The following KIRREL3 variants were observed in gnomAD, a reference collection of about 807,000 sequenced individuals.
KIRREL3 encodes kin of IRRE-like protein 3.
In KIRREL3, 36 loss-of-function variants were observed where a neutral mutation model predicts 89.7. The observed-to-expected ratio is 0.40, with a 90% CI of 0.31 to 0.53. The LOEUF is 0.53. KIRREL3 is among the 20% of genes least tolerant of loss of function. The probability of loss-of-function intolerance (pLI) is 0.49; values close to 1 mark genes in which losing one functional copy is unlikely to be tolerated. For missense variants in KIRREL3, 864 were observed against 1,056.6 expected, an observed-to-expected ratio of 0.82 and a Z score of 2.53; for synonymous variants, 445 against 441.4, an observed-to-expected ratio of 1.01 and a Z score of -0.10.
At chr11:126,809,714 G>A (rs1951318489) in intron 1 of KIRREL3, among the ~76,000 whole-genome samples, 1 of 152,210 alleles carries the variant, frequency 6.6e-6, no homozygotes, top group Non-Finnish European at 1.5e-5. Context: ...GCCCCGCCCT[G>A]TACAGGGCTT....
At position 126,917,300 on chromosome 11, in the gene KIRREL3, G is replaced by A. The variant is rs141127980; in HGVS notation, c.55+83155C>T. Among the ~76,000 whole-genome samples the A allele has an allele frequency of 6.7e-3, 1,025 of 152,262 alleles. 1 individual carries two copies. Among genetic ancestry groups the A allele is most frequent in the Admixed American group, 0.012 (184 of 15,302 alleles). ...GATTAAAGGTTATCAGGACTGAGAC[G>A]GAAGGAAGTGGGAGTTATTGCTTAA... On this transcript the variant is annotated intron_variant, in intron 1 of 16. Coordinates refer to ENST00000525144, the MANE Select transcript of KIRREL3 (RefSeq NM_032531.4). The surrounding 1 kb of genome is among the most constrained non-coding windows in gnomAD (Gnocchi z 5.0).
At chr11:126,659,675 G>A (rs1474057540) in intron 1 of KIRREL3, among the ~76,000 whole-genome samples, 3 of 152,236 alleles carry the variant, frequency 2.0e-5, no homozygotes, top group East Asian at 1.9e-4. Flanking sequence ...CAGATCAGAA[G>A]CAGAGTCAGA....
chr11:126,928,420 C>T (rs912308874), intron 1 of KIRREL3, among the ~76,000 whole-genome samples: 10 of 152,334 alleles, frequency 6.6e-5, no homozygotes, highest in East Asian at 5.8e-4. Context: ...CAGCGATTCC[C>T]GGACATAGGT....
intron 1 of KIRREL3, among the ~76,000 whole-genome samples, chr11:126,604,288 C>T (rs1011807237): frequency 3.3e-5 from 5 of 152,152 alleles, no homozygotes; most frequent in Non-Finnish European, 5.9e-5. Flanking sequence ...GCAGGAAGAC[C>T]ACCCTGAAGG....
rs1027980341 is a variant in KIRREL3 at position 126,530,862 on chromosome 11, A to G, written c.134-4175T>C. 6.6e-6 allele frequency among the ~76,000 whole-genome samples: 1 copy of G among 151,276 alleles called. No individual in the cohort carries two copies. The highest frequency in any genetic ancestry group is 2.4e-5 in the African/African-American group (1 of 41,070). On this transcript the variant is annotated intron_variant, in intron 2 of 16. Coordinates refer to ENST00000525144, the MANE Select transcript of KIRREL3 (RefSeq NM_032531.4). This position sits in a 1 kb window ranked among gnomAD's most constrained non-coding sequence, Gnocchi z 5.8. ...TCTTTTTTTTTTGAGACGGAGTCTGACTTTGTTGCCCAGGCTGGAGTGCAG... is the reference window on the plus strand; with the variant it reads ...TCTTTTTTTTTTGAGACGGAGTCTGGCTTTGTTGCCCAGGCTGGAGTGCAG...
chr11:126,592,953 A>T (rs996911578), intron 1 of KIRREL3, among the ~76,000 whole-genome samples: 6 of 151,024 alleles, frequency 4.0e-5, no homozygotes, highest in African/African-American at 1.5e-4. Flanking sequence ...GGGGGCTAGG[A>T]GCTGGCTGGG....
chr11:126,817,614 T>C lies in KIRREL3; in HGVS notation c.55+182841A>G, dbSNP rs891187933. On this transcript the variant is annotated intron_variant, in intron 1 of 16. Coordinates refer to ENST00000525144, the MANE Select transcript of KIRREL3 (RefSeq NM_032531.4). The surrounding 1 kb of genome is among the most constrained non-coding windows in gnomAD (Gnocchi z 5.7). Reference sequence around the variant, plus strand: ...CTTGCTTTCTCATCCTTCCAGCCTATGTGGCTGCAAAATGACACTTGTAAA... The same window carrying C: ...CTTGCTTTCTCATCCTTCCAGCCTACGTGGCTGCAAAATGACACTTGTAAA... Among the ~76,000 whole-genome samples, 2 of 152,230 alleles carry C rather than the reference T, an allele frequency of 1.3e-5. No individual in the cohort carries two copies. Among genetic ancestry groups the C allele is most frequent in the Admixed American group, 6.5e-5 (1 of 15,288 alleles).
rs1032278512 is a variant in KIRREL3 at position 126,754,591 on chromosome 11, C to A, written c.56-191679G>T. Reference sequence around the variant, plus strand: ...CGTCTGCGAAGAAAGAATAGAGATACGAGATAAATTAAAGGGATCATTTTT... The same window carrying A: ...CGTCTGCGAAGAAAGAATAGAGATAAGAGATAAATTAAAGGGATCATTTTT... On this transcript the variant is annotated intron_variant, in intron 1 of 16. Transcript: ENST00000525144. The surrounding 1 kb of genome is among the most constrained non-coding windows in gnomAD (Gnocchi z 5.1). 6.6e-6 allele frequency among the ~76,000 whole-genome samples: 1 copy of A among 151,904 alleles called. No homozygotes were observed.
intron 1 of KIRREL3, among the ~76,000 whole-genome samples, chr11:126,957,051 C>T (rs942650170): frequency 2.0e-5 from 3 of 152,232 alleles, no homozygotes; most frequent in Non-Finnish European, 2.9e-5. Context: ...ACATGTCCTG[C>T]TTCTATGGTG....
chr11:126,439,526 G>A (rs1415602232), intron 11 of KIRREL3, among the ~76,000 whole-genome samples: 1 of 149,146 alleles, frequency 6.7e-6, no homozygotes, highest in Non-Finnish European at 1.5e-5. Flanking sequence ...TTAAAAAAAT[G>A]CAGATACTGG....
intron 1 of KIRREL3, among the ~76,000 whole-genome samples, chr11:126,638,471 T>C (rs1330468802): frequency 6.6e-6 from 1 of 152,254 alleles, no homozygotes; most frequent in African/African-American, 2.4e-5. Context: ...TGTTCTATAC[T>C]GAGTCTGGCC....
At chr11:126,979,323 C>A (rs1430681683) in intron 1 of KIRREL3, among the ~76,000 whole-genome samples, 1 of 152,192 alleles carries the variant, frequency 6.6e-6, no homozygotes, top group East Asian at 1.9e-4. Context: ...GTTGTAATCA[C>A]CTTTGCATAC....
chr11:126,559,152 C>A (rs145273366), intron 2 of KIRREL3, among the ~76,000 whole-genome samples: 4 of 152,176 alleles, frequency 2.6e-5, no homozygotes, highest in African/African-American at 4.8e-5. Flanking sequence ...GGCTGTAGCA[C>A]TGGAACTGGA....
At position 126,909,288 on chromosome 11, in the gene KIRREL3, C is replaced by T. The variant is rs1053909400; in HGVS notation, c.55+91167G>A. Among the ~76,000 whole-genome samples the T allele has an allele frequency of 3.9e-5, 6 of 152,136 alleles. No individual in the cohort carries two copies. The highest frequency in any genetic ancestry group is 1.4e-4 in the African/African-American group (6 of 41,436). On this transcript the variant is annotated intron_variant, in intron 1 of 16. Transcript: ENST00000525144. This position sits in a 1 kb window ranked among gnomAD's most constrained non-coding sequence, Gnocchi z 4.5. ...CCAGGCTCCGGCCTGGGACTCTTTA[C>T]ATTATAAGTGTGTGGCCCTGGGATC...
At chr11:126,939,774 GA>G (rs1220495375) in intron 1 of KIRREL3, among the ~76,000 whole-genome samples, 4 of 152,120 alleles carry the variant, frequency 2.6e-5, no homozygotes, top group African/African-American at 9.7e-5. Context: ...TACTTTATAT[GA>G]AACTGATATT....
At chr11:126,681,987 G>A in intron 1 of KIRREL3, 1 of 422,540 alleles carries the variant, frequency 2.4e-6, no homozygotes, top group Non-Finnish European at 4.8e-6. Context: ...AGATGAGTTT[G>A]GGAATCAGGA....
rs1362677888 is a variant in KIRREL3, at chr11:126,521,271, G to A, written c.433+44C>T. ...ATACCCTCTTGGAGCTGAGCCCTTG[G>A]TGCTTCACGCAGTGTCCCAGCCCCG... On this transcript the variant is annotated intron_variant, in intron 4 of 16. Coordinates refer to ENST00000525144, the MANE Select transcript of KIRREL3 (RefSeq NM_032531.4). The surrounding 1 kb of genome is among the most constrained non-coding windows in gnomAD (Gnocchi z 4.1). The A allele has an allele frequency of 6.8e-7, 1 of 1,476,454 alleles. No individual in the cohort carries two copies. The highest frequency in any genetic ancestry group is 1.4e-5 in the African/African-American group (1 of 71,210). The allele number at this position is 1,476,454 out of a possible 1,614,324, so 91.5% of individuals were successfully genotyped here.
rs1037947762 is a variant in KIRREL3, at chr11:126,904,108, T to C, written c.55+96347A>G. On this transcript the variant is annotated intron_variant, in intron 1 of 16. Coordinates refer to ENST00000525144, the MANE Select transcript of KIRREL3 (RefSeq NM_032531.4). The surrounding 1 kb of genome is among the most constrained non-coding windows in gnomAD (Gnocchi z 4.4). ...GGTCCTTTCCAACTCTAAATTGCTATGATTTTATGAAGATGGCATAGAAAA... is the reference window on the plus strand; with the variant it reads ...GGTCCTTTCCAACTCTAAATTGCTACGATTTTATGAAGATGGCATAGAAAA... Among the ~76,000 whole-genome samples the C allele has an allele frequency of 2.1e-4, 32 of 152,324 alleles. No homozygotes were observed. Among genetic ancestry groups the C allele is most frequent in the African/African-American group, 7.7e-4 (32 of 41,564 alleles).
rs868675021 is a variant in KIRREL3, at chr11:126,668,367, T to C, written c.56-105455A>G. Among the ~76,000 whole-genome samples, 4 of 152,296 alleles carry C rather than the reference T, an allele frequency of 2.6e-5. No individual in the cohort carries two copies. The Middle Eastern group carries it at 0.01, about 389-fold the overall frequency. ...GCCTCACCTCCTAATACCGTAGCCT[T>C]GGAGGTGAGAATTTTAGCTTATGAA... On this transcript the variant is annotated intron_variant, in intron 1 of 16. Transcript: ENST00000525144. The surrounding 1 kb of genome is among the most constrained non-coding windows in gnomAD (Gnocchi z 4.4).
Sources: allele counts gnomAD v4.1 joint callset (sites outside exome capture counted in the v4.1 genomes callset), GRCh38; gene constraint gnomAD v4.1.1; non-coding constraint Gnocchi (gnomAD v3.1); transcripts MANE v1.5; gene names NCBI Gene and HGNC (gene_info 2026-07-23, HGNC 2026-07-21).